Variants in MTFR1 observed in about 807,000 individuals in gnomAD.
MTFR1 encodes mitochondrial fission regulator 1, also known as chondrocyte protein with a poly-proline region.
In MTFR1, 28 loss-of-function variants were observed where a neutral mutation model predicts 38.8. The observed-to-expected ratio is 0.72, with a 90% CI of 0.53 to 0.99. The LOEUF (loss-of-function observed/expected upper bound fraction) is 0.99, where lower values mean the gene tolerates loss of function less well. MTFR1 is among the 50% of genes least tolerant of loss of function. The pLI is 0.00. For synonymous variants in MTFR1, 145 were observed against 137.0 expected, an observed-to-expected ratio of 1.06 and a Z score of -0.41; for missense variants, 358 against 395.5, an observed-to-expected ratio of 0.91 and a Z score of 0.81.
intron 3 of MTFR1, among the ~76,000 whole-genome samples, chr8:65,692,283 A>T (rs1252851480): frequency 1.3e-5 from 2 of 152,160 alleles, no homozygotes; most frequent in East Asian, 3.8e-4. Context: ...ACAAAATCTA[A>T]ATTTAACTCA....
intron 3 of MTFR1, chr8:65,723,482 C>A: frequency 1.5e-6 from 2 of 1,336,030 alleles, no homozygotes; most frequent in Non-Finnish European, 2.0e-6. Flanking sequence ...ATATATTTCC[C>A]TTCTTGATAA....
chr8:65,749,315 C>T (rs1807825892), intron 3 of MTFR1, among the ~76,000 whole-genome samples: 1 of 152,148 alleles, frequency 6.6e-6, no homozygotes, highest in East Asian at 1.9e-4. Context: ...TAAATGCATA[C>T]TATTTTTAAA....
intron 2 of MTFR1, among the ~76,000 whole-genome samples, chr8:65,679,832 T>A (rs1488839963): frequency 1.3e-5 from 2 of 152,206 alleles, no homozygotes; most frequent in Non-Finnish European, 2.9e-5. Context: ...CCTGTATGAT[T>A]ATTGATGTGA....
chr8:65,764,263 A>G (rs1032255235), intron 3 of MTFR1, among the ~76,000 whole-genome samples: 1 of 152,236 alleles, frequency 6.6e-6, no homozygotes. Flanking sequence ...AAACAACCTG[A>G]TATGACTTCA....
chr8:65,747,906 A>T (rs2128906934), intron 3 of MTFR1: 1 of 566,294 alleles, frequency 1.8e-6, no homozygotes, highest in East Asian at 3.2e-5. Flanking sequence ...TTAAAAATTC[A>T]TTTAAATAAT....
intron 3 of MTFR1, among the ~76,000 whole-genome samples, chr8:65,726,195 C>T (rs1806600542): frequency 6.6e-6 from 1 of 152,142 alleles, no homozygotes; most frequent in South Asian, 2.1e-4. Flanking sequence ...CGTGCATTTT[C>T]CCTCAGTGCA....
chr8:65,651,481 T>C lies in MTFR1; in HGVS notation c.-81+6697T>C, dbSNP rs183392567. Among the ~76,000 whole-genome samples the C allele has an allele frequency of 9.0e-4, 137 of 152,358 alleles. 1 individual carries two copies. Among genetic ancestry groups the C allele is most frequent in the Admixed American group, 2.9e-3 (45 of 15,290 alleles). ...TCCATTTTGATTTGATTTTTGTATA[T>C]GGCAAGAGATGGGTTGTAGTTTCAT... is the stretch of plus-strand genomic sequence containing the variant. On this transcript the variant is annotated intron_variant, in intron 1 of 7. Coordinates refer to ENST00000262146, the MANE Select transcript of MTFR1 (RefSeq NM_014637.4).
chr8:65,652,139 G>A (rs955462777), intron 1 of MTFR1, among the ~76,000 whole-genome samples: 5 of 151,762 alleles, frequency 3.3e-5, no homozygotes, highest in African/African-American at 4.8e-5. Context: ...CCACTCTGTC[G>A]CCCGGGCTGG....
intron 3 of MTFR1, among the ~76,000 whole-genome samples, chr8:65,741,154 A>G (rs2128902469): frequency 6.6e-6 from 1 of 152,300 alleles, no homozygotes; most frequent in South Asian, 2.1e-4. Flanking sequence ...GGACACATAT[A>G]CTATATTATT....
chr8:65,736,537 G>C (rs760360176), intron 3 of MTFR1, among the ~76,000 whole-genome samples: 26 of 152,148 alleles, frequency 1.7e-4, no homozygotes, highest in Non-Finnish European at 2.9e-4. Flanking sequence ...AGGATTGCTT[G>C]AGGCCAGGAG....
At chr8:65,755,932 T>G (rs1019196393) in intron 3 of MTFR1, among the ~76,000 whole-genome samples, 1 of 152,246 alleles carries the variant, frequency 6.6e-6, no homozygotes, top group Non-Finnish European at 1.5e-5. Context: ...CTACCATTTC[T>G]TGTAGGACAG....
intron 2 of MTFR1, among the ~76,000 whole-genome samples, chr8:65,680,140 T>C (rs1199316680): frequency 6.6e-6 from 1 of 151,460 alleles, no homozygotes; most frequent in Non-Finnish European, 1.5e-5. Flanking sequence ...CCTTCTATGA[T>C]TTCCACTTTG....
chr8:65,705,676 T>G (rs1360042636), intron 5 of MTFR1, among the ~76,000 whole-genome samples: 1 of 152,236 alleles, frequency 6.6e-6, no homozygotes, highest in Non-Finnish European at 1.5e-5. Context: ...TGCAAGCACT[T>G]GACATCTCAC....
intron 3 of MTFR1, among the ~76,000 whole-genome samples, chr8:65,691,520 G>T (rs1368710660): frequency 1.3e-5 from 2 of 152,100 alleles, no homozygotes; most frequent in East Asian, 3.9e-4. Flanking sequence ...CAAGCTCCTG[G>T]GGCCTCAAGC....
chr8:65,717,765 T>C (rs1806199030), intron 2 of MTFR1: 1 of 152,234 alleles, frequency 6.6e-6, no homozygotes, highest in Non-Finnish European at 1.5e-5. Context: ...CTTTTACAAA[T>C]GGCTTTACAC....
chr8:65,743,414 A>C (rs1361089896), intron 3 of MTFR1, among the ~76,000 whole-genome samples: 1 of 152,204 alleles, frequency 6.6e-6, no homozygotes, highest in Non-Finnish European at 1.5e-5. Context: ...AGGGCAAAGG[A>C]AAAGTAGAAG....
chr8:65,684,670 C>T (rs1805016980), intron 3 of MTFR1, among the ~76,000 whole-genome samples: 1 of 151,660 alleles, frequency 6.6e-6, no homozygotes, highest in Admixed American at 6.6e-5. Flanking sequence ...CAGGCGTGAG[C>T]CACCGCACCT....
At chr8:65,727,353 T>C in intron 3 of MTFR1, 1 of 1,604,042 alleles carries the variant, frequency 6.2e-7, no homozygotes, top group Non-Finnish European at 8.5e-7. Context: ...AAATAAGCTC[T>C]ACGCCATCAC....
intron 3 of MTFR1, chr8:65,727,115 G>A: frequency 1.7e-6 from 2 of 1,181,064 alleles, no homozygotes; most frequent in East Asian, 4.7e-5. Flanking sequence ...TTCAAAATAT[G>A]AAAGATTTTC....
Sources: allele counts gnomAD v4.1 joint callset (sites outside exome capture counted in the v4.1 genomes callset), GRCh38; gene constraint gnomAD v4.1.1; transcripts MANE v1.5; gene names NCBI Gene and HGNC (gene_info 2026-07-23, HGNC 2026-07-21).